Variants in MED23 observed in about 807,000 individuals in gnomAD.
MED23 encodes mediator of RNA polymerase II transcription subunit 23.
A neutral mutation model predicts 163.9 loss-of-function variants in MED23; 105 were observed. That is an observed-to-expected ratio of 0.64 (90% confidence interval 0.55 to 0.75). The LOEUF (loss-of-function observed/expected upper bound fraction) is 0.75, where lower values mean the gene tolerates loss of function less well. Among genes scored for constraint, MED23 ranks in the 30% least tolerant of loss-of-function variants. The pLI is 0.00. For missense variants in MED23, 1,054 were observed against 1,649.0 expected, an observed-to-expected ratio of 0.64 and a Z score of 6.25; for synonymous variants, 561 against 565.6, an observed-to-expected ratio of 0.99 and a Z score of 0.12.
At chr6:131,579,942 T>C (rs1330834590) in intron 30 of MED23, among the ~76,000 whole-genome samples, 1 of 152,136 alleles carries the variant, frequency 6.6e-6, no homozygotes, top group Non-Finnish European at 1.5e-5. Context: ...GGGATGTGCA[T>C]AAGCATCATA....
At position 131,592,409 on chromosome 6, in the gene MED23, A is replaced by G. The variant is rs1289818778; in HGVS notation, c.3450T>C (p.Gly1150=). ...TCACTGGTAGGGCAGTGATGATCAA[A>G]CCAATTGCATTCATCCATGCTGTAA... ...ENITAWMNAI[G]LIITALPEPY... The change falls in exon 25 of 29, where the codon GGT becomes GGC. Residue 1150 remains glycine, a synonymous_variant. Transcript: ENST00000368068. The G allele has an allele frequency of 6.2e-7, 1 of 1,614,048 alleles. No homozygotes were observed. Among genetic ancestry groups the G allele is most frequent in the Admixed American group, 1.7e-5 (1 of 60,020 alleles).
chr6:131,620,806 T>TA, intron 6 of MED23, 77 bp from the exon 7 acceptor site: 31 of 519,996 alleles, frequency 6.0e-5, no homozygotes, highest in African/African-American at 2.9e-4. Flanking sequence ...TTATCATTAT[T>TA]TTTTTTTTTT....
At chr6:131,601,790 ACAT>A (rs1199174581) in intron 17 of MED23, among the ~76,000 whole-genome samples, 1 of 152,280 alleles carries the variant, frequency 6.6e-6, no homozygotes, top group Non-Finnish European at 1.5e-5. Context: ...TTTTTTTATA[ACAT>A]CATATATTAA....
At chr6:131,583,165 G>A (rs111533425), downstream of MED23, 2 of 1,612,918 alleles carry the variant, frequency 1.2e-6, no homozygotes, top group Non-Finnish European at 1.7e-6. Context: ...TACTAGGAAG[G>A]TAGGATTCTT....
At chr6:131,596,370 A>C in intron 21 of MED23, 148 bp downstream of exon 21, 1 of 990,436 alleles carries the variant, frequency 1.0e-6, no homozygotes, top group South Asian at 1.4e-5. Context: ...GAAACTCTCA[A>C]ACCTTGAAGA....
At chr6:131,618,380 A>G (rs769300231) in intron 9 of MED23, 27 bp downstream of exon 9, 44 of 1,478,478 alleles carry the variant, frequency 3.0e-5, no homozygotes, top group Admixed American at 8.4e-5. Context: ...AGATGGACTA[A>G]AAGTGCCATT....
At chr6:131,582,409 A>C (rs1375778727), downstream of MED23, among the ~76,000 whole-genome samples, 1 of 152,212 alleles carries the variant, frequency 6.6e-6, no homozygotes, top group African/African-American at 2.4e-5. Context: ...TGGGGCACAA[A>C]GTAGGTAAAT....
intron 8 of MED23, 121 bp downstream of exon 8, chr6:131,619,706 G>T: frequency 1.3e-6 from 1 of 750,190 alleles, no homozygotes; most frequent in Non-Finnish European, 2.3e-6. Flanking sequence ...TAAGCTCTTA[G>T]AGAGTCACCA....
intron 10 of MED23, among the ~76,000 whole-genome samples, chr6:131,613,849 T>C (rs201393373): frequency 0.15 from 22,198 of 152,002 alleles, 2,055 homozygotes; most frequent in East Asian, 0.32. Flanking sequence ...CTCAATTGTT[T>C]TGTCAATTTC....
chr6:131,579,305 T>A, intron 30 of MED23: 7 of 1,613,080 alleles, frequency 4.3e-6, no homozygotes, highest in Non-Finnish European at 5.9e-6. Flanking sequence ...AATAACTGTG[T>A]CTATGGGAAT....
At chr6:131,616,115 G>T in intron 9 of MED23, 113 bp from the exon 10 acceptor site, 1 of 818,238 alleles carries the variant, frequency 1.2e-6, no homozygotes, top group Non-Finnish European at 2.0e-6. Context: ...TCACAGAGTA[G>T]GCAGTATCTA....
Position 131,581,127 on chromosome 6 carries a change from A to G in MED23, c.4095+6582T>C, listed in dbSNP as rs12205666. The G allele has an allele frequency of 3.7e-6, 5 of 1,348,556 alleles. No individual in the cohort carries two copies. The African/African-American group carries it at 5.7e-5, about 15-fold the overall frequency. 83.5% of individuals were successfully genotyped at this position (1,348,556 alleles called of 1,614,324 possible). ...CAGAAATATCAGACACTGTGACTCA[A>G]AGGAAAACCAAGTGGGAGCATTGAG... On this transcript the variant is annotated intron_variant, in intron 30 of 30. Transcript: ENST00000354577.
At chr6:131,602,489 T>G (rs2114654807) in intron 16 of MED23, 108 bp from the exon 17 acceptor site, 1 of 977,102 alleles carries the variant, frequency 1.0e-6, no homozygotes, top group South Asian at 1.6e-5. Context: ...TATCCCTTCT[T>G]TAAAAAAACA....
At chr6:131,581,370 A>C in intron 30 of MED23, 1 of 1,612,892 alleles carries the variant, frequency 6.2e-7, no homozygotes, top group African/African-American at 1.3e-5. Context: ...GAAGGAACTA[A>C]AAGGAAAGGT....
chr6:131,622,328 C>T (rs117637108), intron 5 of MED23, among the ~76,000 whole-genome samples: 4,385 of 152,278 alleles, frequency 0.029, 107 homozygotes, highest in Middle Eastern at 0.1. Context: ...ACTCTGAAAA[C>T]TTGAGTAACA....
chr6:131,601,714 T>G (rs1052450816), intron 17 of MED23, among the ~76,000 whole-genome samples: 1 of 152,304 alleles, frequency 6.6e-6, no homozygotes, highest in East Asian at 1.9e-4. Context: ...ACACCAGATA[T>G]TAGAGAAGCA....
intron 30 of MED23, chr6:131,579,073 A>G (rs773451145): frequency 1.2e-6 from 2 of 1,606,434 alleles, no homozygotes; most frequent in African/African-American, 2.7e-5. Context: ...TTTATAATCT[A>G]CTTTTTAATT....
intron 25 of MED23, chr6:131,591,966 T>A (rs1306186188): frequency 4.5e-6 from 1 of 224,184 alleles, no homozygotes; most frequent in Non-Finnish European, 8.8e-6. Context: ...GAGAAGGTGA[T>A]GGAAAGAAGA....
chr6:131,597,742 T>C (rs990746912), intron 20 of MED23, among the ~76,000 whole-genome samples: 6 of 152,150 alleles, frequency 3.9e-5, no homozygotes, highest in Non-Finnish European at 8.8e-5. Flanking sequence ...CTGTACCTTC[T>C]ATACATAGAA....
Sources: gnomAD v4.1 joint callset for allele counts (sites outside exome capture counted in the v4.1 genomes callset) on GRCh38, gnomAD v4.1.1 for gene constraint, MANE v1.5 for transcripts, NCBI Gene and HGNC (gene_info 2026-07-23, HGNC 2026-07-21) for gene names.